The following SH2B2 variants were observed in gnomAD, a reference collection of about 807,000 sequenced individuals.
SH2B2 encodes the protein SH2B adaptor protein 2.
Under a neutral mutation model 35.7 loss-of-function variants are expected in SH2B2, and 37 were observed. The ratio of observed to expected loss-of-function variants is 1.04; its 90% CI spans 0.80 to 1.36. The LOEUF is 1.36. SH2B2 is among the 40% of genes most tolerant of loss of function. The pLI is 0.00. For synonymous variants in SH2B2, 383 were observed against 376.4 expected (o/e 1.02, Z -0.20); for missense variants, 852 against 817.7 (o/e 1.04, Z -0.51).
At chr7:102,296,548 G>A (rs1334468000) in intron 1 of SH2B2, among the ~76,000 whole-genome samples, 1 of 152,230 alleles carries the variant, frequency 6.6e-6, no homozygotes, top group South Asian at 2.1e-4. Context: ...GGTTGGACCT[G>A]TGTCCCCAGA....
At chr7:102,318,757 T>C (rs1793952857) in intron 7 of SH2B2, among the ~76,000 whole-genome samples, 1 of 152,146 alleles carries the variant, frequency 6.6e-6, no homozygotes, top group Admixed American at 6.6e-5. Context: ...GGCCCCACCA[T>C]GCAGGAGGTA....
intron 2 of SH2B2, among the ~76,000 whole-genome samples, chr7:102,302,212 C>T (rs1323903520): frequency 6.6e-6 from 1 of 152,206 alleles, no homozygotes; most frequent in East Asian, 1.9e-4. Context: ...GCCCTCCTCT[C>T]CTGCAGCCCA....
In SH2B2 at chr7:102,317,174, A is replaced by T. The variant is rs1793867254; in HGVS notation, c.1187-13A>T. On this transcript the variant is annotated splice_polypyrimidine_tract_variant and intron_variant, in intron 6 of 8. Transcript: ENST00000444095. ...TTCCCCCCATGTTCCTCACACTGTC[A>T]TCCCCACCTCAGGGGAACAGGGTGC... 3.8e-6 allele frequency: 6 copies of T among 1,573,674 alleles called. No homozygotes were observed. The highest frequency in any genetic ancestry group is 2.6e-6 in the Non-Finnish European group (3 of 1,155,814).
chr7:102,307,411 A>C (rs1563559781), intron 3 of SH2B2, among the ~76,000 whole-genome samples: 1 of 152,116 alleles, frequency 6.6e-6, no homozygotes, highest in Non-Finnish European at 1.5e-5. Flanking sequence ...TTGGTGAAGC[A>C]ATGTCCCCGG....
chr7:102,288,077 A>G (rs1467585436), intron 1 of SH2B2, among the ~76,000 whole-genome samples: 1 of 151,884 alleles, frequency 6.6e-6, no homozygotes, highest in East Asian at 1.9e-4. Flanking sequence ...GGGACCGGCA[A>G]CTCCCGGCAG....
intron 4 of SH2B2, among the ~76,000 whole-genome samples, chr7:102,310,529 C>T (rs1554555845): frequency 1.3e-5 from 2 of 152,078 alleles, no homozygotes; most frequent in Non-Finnish European, 2.9e-5. Context: ...AAGGTTGGCT[C>T]CACCATCCAG....
chr7:102,300,995 C>T lies in SH2B2; in HGVS notation c.445C>T (p.Arg149Cys), dbSNP rs1554553684. The change falls in exon 2 of 9, where the codon CGC becomes TGC. Residue 149 changes from arginine (R) to cysteine (C), a missense_variant. Arg to Cys is a radical substitution (Grantham distance 180). Around this residue, in one of 3 missense-constraint regions of SH2B2, gnomAD observed 294 missense variants for 286.6 expected, o/e 1.03. Coordinates refer to ENST00000444095, the MANE Select transcript of SH2B2 (RefSeq NM_001359228.2). The part of the protein sequence containing the change: ...NMSLCVVDGV[R>C]DMWHRRASPE... Reference sequence around the variant, plus strand: ...GAGCCTGTGCGTGGTGGACGGCGTGCGCGACATGTGGCACCGGCGCGCCTC... The same window carrying T: ...GAGCCTGTGCGTGGTGGACGGCGTGTGCGACATGTGGCACCGGCGCGCCTC... 2.9e-5 allele frequency: 42 copies of T among 1,439,612 alleles called. No individual in the cohort carries two copies. The highest frequency in any genetic ancestry group is 3.5e-5 in the Non-Finnish European group (38 of 1,099,032). The allele number at this position is 1,439,612 out of a possible 1,614,324, so 89.2% of individuals were successfully genotyped here. A position where few individuals can be genotyped will look rare whatever the true frequency, so the allele number is the denominator to read the frequency against.
intron 2 of SH2B2, among the ~76,000 whole-genome samples, chr7:102,305,216 T>C (rs1165845834): frequency 2.6e-5 from 4 of 152,218 alleles, no homozygotes; most frequent in Non-Finnish European, 5.9e-5. Context: ...ATTTTTTCTT[T>C]AAGCAACCAG....
intron 1 of SH2B2, among the ~76,000 whole-genome samples, chr7:102,293,544 G>A (rs559241754): frequency 3.3e-5 from 5 of 151,678 alleles, no homozygotes; most frequent in Non-Finnish European, 7.4e-5. Context: ...GAGGTGGGGG[G>A]GTGTAATGGA....
Position 102,290,673 on chromosome 7 carries a change from C to T in SH2B2, c.-30+3579C>T, listed in dbSNP as rs2091399. 3.0e-3 allele frequency among the ~76,000 whole-genome samples: 458 copies of T among 152,296 alleles called. 1 individual carries two copies. Among genetic ancestry groups the T allele is most frequent in the African/African-American group, 0.011 (447 of 41,578 alleles). On this transcript the variant is annotated intron_variant, in intron 1 of 8. Coordinates refer to ENST00000444095, the MANE Select transcript of SH2B2 (RefSeq NM_001359228.2). ...GAGCATGGTGGGTAGTCACCTCCCTCCCCAGAACCCCATTTCTTCATCTCT... is the reference window on the plus strand; with the variant it reads ...GAGCATGGTGGGTAGTCACCTCCCTTCCCAGAACCCCATTTCTTCATCTCT...
rs1321361695 is a variant in SH2B2 at position 102,297,516 on chromosome 7, C to T, written c.-29-3006C>T. Among the ~76,000 whole-genome samples, 1 of 151,918 alleles carries T rather than the reference C, an allele frequency of 6.6e-6. No homozygotes were observed. The highest frequency in any genetic ancestry group is 2.4e-5 in the African/African-American group (1 of 41,312). On this transcript the variant is annotated intron_variant, in intron 1 of 8. Transcript: ENST00000444095. The surrounding 1 kb of genome is among the most constrained non-coding windows in gnomAD (Gnocchi z 4.3). Reference sequence around the variant, plus strand: ...ATACCCCTTGAACGAGAGGGAACTACCATATTTGATCCACACTAGGAGGAG... The same window carrying T: ...ATACCCCTTGAACGAGAGGGAACTATCATATTTGATCCACACTAGGAGGAG...
chr7:102,304,963 C>G (rs139205191), intron 2 of SH2B2, among the ~76,000 whole-genome samples: 165 of 152,372 alleles, frequency 1.1e-3, no homozygotes, highest in African/African-American at 3.9e-3. Flanking sequence ...CTGGGAATCT[C>G]ACTCAGGCCA....
At position 102,313,087 on chromosome 7, in the gene SH2B2, C is replaced by T. The variant is rs958121176; in HGVS notation, c.924-1249C>T. ...CAGAGGTTGCAGTGAGCCAGGATTG[C>T]GTCATTGCACTCCAGCCTGGGCAAC... On this transcript the variant is annotated intron_variant, in intron 4 of 8. Coordinates refer to ENST00000444095, the MANE Select transcript of SH2B2 (RefSeq NM_001359228.2). Among the ~76,000 whole-genome samples, 9 of 144,560 alleles carry T rather than the reference C, an allele frequency of 6.2e-5. 1 individual carries two copies. The South Asian group carries it at 2.0e-3, about 32-fold the overall frequency. 94.8% of individuals were successfully genotyped at this position (144,560 alleles called of 152,430 possible).
upstream of SH2B2, chr7:102,285,308 C>G: frequency 7.7e-7 from 1 of 1,303,300 alleles, no homozygotes; most frequent in Non-Finnish European, 1.1e-6. Context: ...GGGTGGAGAC[C>G]ACAACCAGGC....
intron 3 of SH2B2, among the ~76,000 whole-genome samples, 193 bp downstream of exon 3, chr7:102,307,015 C>T (rs1793430116): frequency 6.6e-6 from 1 of 152,248 alleles, no homozygotes; most frequent in Non-Finnish European, 1.5e-5. Context: ...AGTCTGGGCT[C>T]CACAGCCAGG....
rs1554553547 is a variant in SH2B2, at chr7:102,300,824, G to A, written c.274G>A (p.Val92Met). 6.8e-7 allele frequency: 1 copy of A among 1,476,948 alleles called. No individual in the cohort carries two copies. The highest frequency in any genetic ancestry group is 9.0e-7 in the Non-Finnish European group (1 of 1,110,772). 91.5% of individuals were successfully genotyped at this position (1,476,948 alleles called of 1,614,324 possible). A position where few individuals can be genotyped will look rare whatever the true frequency, so the allele number is the denominator to read the frequency against. ...VAGPTTRGAA[V>M]SAEAMEPELA... ...TGGGCCGACGACTCGGGGCGCGGCC[G>A]TGAGCGCAGAGGCCATGGAGCCGGA... Residue 92 changes from valine to methionine, a missense_variant, in exon 2 of 9, where the codon GTG becomes ATG. By Grantham distance (21) the Val-to-Met change is conservative. Around this residue, in one of 3 missense-constraint regions of SH2B2, gnomAD observed 294 missense variants for 286.6 expected, o/e 1.03. Coordinates refer to ENST00000444095, the MANE Select transcript of SH2B2 (RefSeq NM_001359228.2).
chr7:102,311,147 G>A (rs782657410), intron 4 of SH2B2, among the ~76,000 whole-genome samples: 121 of 152,166 alleles, frequency 8.0e-4, no homozygotes, highest in South Asian at 6.2e-4. Context: ...CTGGAGTACA[G>A]TGGTGCAATC....
intron 3 of SH2B2, among the ~76,000 whole-genome samples, chr7:102,308,393 C>G (rs1793484595): frequency 6.6e-6 from 1 of 152,220 alleles, no homozygotes; most frequent in African/African-American, 2.4e-5. Context: ...ACTCCAGGCA[C>G]TAAGACATGC....
chr7:102,286,771 C>CGGGAGGGGGCG (rs1563542443), upstream of SH2B2: 3 of 93,604 alleles, frequency 3.2e-5, no homozygotes, highest in Admixed American at 1.2e-4. Context: ...CGGGAGGGGG[C>CGGGAGGGGGCG]GGGGCCAGGA....
Sources: gnomAD v4.1 joint callset for allele counts (sites outside exome capture counted in the v4.1 genomes callset) on GRCh38, gnomAD v4.1.1 for gene constraint, gnomAD v4.1.1 regional missense constraint, Gnocchi (gnomAD v3.1) non-coding constraint, MANE v1.5 for transcripts, NCBI Gene and HGNC (gene_info 2026-07-23, HGNC 2026-07-21) for gene names.